The following SNTG1 variants were observed in gnomAD, a reference collection of about 807,000 sequenced individuals.
The protein encoded by SNTG1 is syntrophin gamma 1.
A neutral mutation model predicts 74.7 loss-of-function variants in SNTG1; 39 were observed. That is an observed-to-expected ratio of 0.52 (90% CI 0.40 to 0.68). The LOEUF is 0.68. SNTG1 is among the 30% of genes least tolerant of loss of function. The pLI, the probability that SNTG1 is intolerant of heterozygous loss-of-function variation, is 0.00. For missense variants in SNTG1, 685 were observed against 609.5 expected, an observed-to-expected ratio of 1.12 and a Z score of -1.30; for synonymous variants, 254 against 217.1, an observed-to-expected ratio of 1.17 and a Z score of -1.49.
chr8:50,745,251 C>A lies in SNTG1; in HGVS notation c.1285-6750C>A, dbSNP rs572947141. On this transcript the variant is annotated intron_variant, in intron 17 of 18. Transcript: ENST00000642720. ...CAAAATAGAACATGAGTAGATATTG[C>A]AACAAAGAATATATACAAATGGCCA... Among the ~76,000 whole-genome samples the A allele has an allele frequency of 1.7e-4, 26 of 151,906 alleles. 1 individual carries two copies. The South Asian group carries it at 5.4e-3, about 32-fold the overall frequency.
At chr8:50,513,475 T>C (rs960834274) in intron 9 of SNTG1, among the ~76,000 whole-genome samples, 7 of 152,342 alleles carry the variant, frequency 4.6e-5, no homozygotes, top group Admixed American at 3.9e-4. Flanking sequence ...CTGCAGAGGA[T>C]TCTGCTGCCT....
At chr8:50,376,295 G>C (rs2092378639) in intron 2 of SNTG1, among the ~76,000 whole-genome samples, 1 of 152,034 alleles carries the variant, frequency 6.6e-6, no homozygotes, top group East Asian at 1.9e-4. Context: ...ACTAAAACTT[G>C]AACCAGACTC....
chr8:50,604,148 G>A (rs1220460045), intron 13 of SNTG1, among the ~76,000 whole-genome samples: 1 of 152,218 alleles, frequency 6.6e-6, no homozygotes, highest in East Asian at 1.9e-4. Flanking sequence ...ACTGGGTACA[G>A]AGGCTCATGC....
chr8:49,998,630 T>A (rs1814463236), intron 1 of SNTG1, among the ~76,000 whole-genome samples: 1 of 121,828 alleles, frequency 8.2e-6, no homozygotes, highest in African/African-American at 3.4e-5. Flanking sequence ...ACACACAGTA[T>A]CCTAGGCCTA....
chr8:50,148,081 C>G (rs529242629), intron 1 of SNTG1, among the ~76,000 whole-genome samples: 1 of 151,944 alleles, frequency 6.6e-6, no homozygotes, highest in Non-Finnish European at 1.5e-5. Context: ...ACAATTTGAG[C>G]AAAAATATGC....
chr8:50,155,778 C>G (rs1417554894), intron 1 of SNTG1, among the ~76,000 whole-genome samples: 1 of 151,608 alleles, frequency 6.6e-6, no homozygotes, highest in Non-Finnish European at 1.5e-5. Flanking sequence ...TAATGTAATT[C>G]AAGGTAAGTT....
intron 2 of SNTG1, among the ~76,000 whole-genome samples, chr8:50,324,160 C>T (rs752793443): frequency 6.6e-6 from 1 of 152,188 alleles, no homozygotes; most frequent in Non-Finnish European, 1.5e-5. Flanking sequence ...TGGGCCATTC[C>T]TCTCCAGCTA....
intron 1 of SNTG1, among the ~76,000 whole-genome samples, chr8:50,154,694 A>C (rs1196073096): frequency 6.6e-6 from 1 of 152,152 alleles, no homozygotes; most frequent in Non-Finnish European, 1.5e-5. Flanking sequence ...GAACTAACCA[A>C]AATTGCAACC....
chr8:50,326,656 A>C, intron 2 of SNTG1, among the ~76,000 whole-genome samples: 1 of 150,614 alleles, frequency 6.6e-6, no homozygotes, highest in Non-Finnish European at 1.5e-5. Flanking sequence ...AGCTCTTTAA[A>C]AAAATTTTCT....
chr8:50,266,837 T>G (rs1032965234), intron 2 of SNTG1, among the ~76,000 whole-genome samples: 13 of 151,934 alleles, frequency 8.6e-5, no homozygotes, highest in Non-Finnish European at 1.5e-4. Context: ...TACTCTTCAC[T>G]TTGGAAACTC....
At chr8:49,918,622 G>T (rs1318987841) in intron 1 of SNTG1, among the ~76,000 whole-genome samples, 1 of 145,692 alleles carries the variant, frequency 6.9e-6, no homozygotes, top group Non-Finnish European at 1.5e-5. Context: ...ATGTCTTATT[G>T]TATGTTCGGT....
intron 1 of SNTG1, among the ~76,000 whole-genome samples, chr8:49,930,915 T>C (rs1419306586): frequency 6.6e-6 from 1 of 152,154 alleles, no homozygotes; most frequent in Non-Finnish European, 1.5e-5. Flanking sequence ...TTAACACATC[T>C]ATAGCAAATG....
chr8:50,547,586 G>A (rs921010576), intron 11 of SNTG1, among the ~76,000 whole-genome samples: 1 of 150,676 alleles, frequency 6.6e-6, no homozygotes, highest in African/African-American at 2.4e-5. Flanking sequence ...TTAATGATAT[G>A]AATTTATTAA....
intron 13 of SNTG1, among the ~76,000 whole-genome samples, chr8:50,597,420 T>TACATATAC (rs2094738361): frequency 6.8e-6 from 1 of 146,508 alleles, no homozygotes. Context: ...TATACATATA[T>TACATATAC]ACATATATAT....
chr8:50,259,324 T>C (rs772153890), intron 2 of SNTG1, among the ~76,000 whole-genome samples: 2 of 151,268 alleles, frequency 1.3e-5, no homozygotes, highest in Non-Finnish European at 2.9e-5. Context: ...CATGGCAAAA[T>C]TCTGTCTTTC....
intron 17 of SNTG1, among the ~76,000 whole-genome samples, chr8:50,711,399 C>A (rs1294006208): frequency 1.3e-5 from 2 of 152,066 alleles, no homozygotes; most frequent in Non-Finnish European, 2.9e-5. Context: ...AGTCCTCCAA[C>A]TTTGAAGTTA....
chr8:50,519,842 C>G (rs2094164589), intron 9 of SNTG1, among the ~76,000 whole-genome samples: 2 of 151,928 alleles, frequency 1.3e-5, no homozygotes, highest in African/African-American at 4.8e-5. Flanking sequence ...TGTTCATAGA[C>G]AGGGAGAATC....
chr8:49,961,684 G>C (rs961358417), intron 1 of SNTG1, among the ~76,000 whole-genome samples: 1 of 152,170 alleles, frequency 6.6e-6, no homozygotes, highest in Non-Finnish European at 1.5e-5. Context: ...ACTTAAAAGA[G>C]AACAATGGTA....
At chr8:50,737,343 C>T (rs938784242) in intron 17 of SNTG1, among the ~76,000 whole-genome samples, 12 of 152,062 alleles carry the variant, frequency 7.9e-5, no homozygotes, top group Non-Finnish European at 1.5e-4. Flanking sequence ...CATACACCCT[C>T]CTAAGACTAA....
Sources: allele counts gnomAD v4.1 joint callset (sites outside exome capture counted in the v4.1 genomes callset), GRCh38; gene constraint gnomAD v4.1.1; transcripts MANE v1.5; gene names NCBI Gene and HGNC (gene_info 2026-07-23, HGNC 2026-07-21).